EFCAB6: variants seen among roughly 807,000 people sequenced by gnomAD.
EFCAB6 encodes EF-hand calcium binding domain 6, also known as EF-hand calcium-binding domain-containing protein 6.
In EFCAB6, 156 loss-of-function variants were observed where a neutral mutation model predicts 169.8. The observed-to-expected ratio is 0.92, with a 90% confidence interval of 0.81 to 1.05. The LOEUF is 1.05. Among genes scored for constraint, EFCAB6 ranks in the 50% least tolerant of loss-of-function variants. The probability of loss-of-function intolerance (pLI) is 0.00; values close to 1 mark genes in which losing one functional copy is unlikely to be tolerated. For synonymous variants in EFCAB6, 698 were observed against 676.4 expected (o/e 1.03, Z -0.50); for missense variants, 1,800 against 1,829.1 (o/e 0.98, Z 0.29).
intron 5 of EFCAB6, among the ~76,000 whole-genome samples, chr22:43,756,286 G>A (rs932979390): frequency 3.9e-5 from 6 of 152,242 alleles, no homozygotes; most frequent in South Asian, 4.2e-4. Flanking sequence ...AGGTGCTCTG[G>A]GTTCAGATCC....
At chr22:43,529,074 C>T (rs529900360) in intron 31 of EFCAB6, 99 bp from the exon 32 acceptor site, 33 of 1,329,618 alleles carry the variant, frequency 2.5e-5, no homozygotes, top group Admixed American at 2.4e-4. Context: ...CCACCTGATC[C>T]CCAACCCCAC....
chr22:43,622,594 A>C lies in EFCAB6; in HGVS notation c.2465+3853T>G, dbSNP rs2054187264. On this transcript the variant is annotated intron_variant, in intron 20 of 31. Coordinates refer to ENST00000262726, the MANE Select transcript of EFCAB6 (RefSeq NM_022785.4). ...AACAAACAAGCAAACAAAAACAAAC[A>C]AACTCATTCTATTTTGCAATTATTA... is the stretch of plus-strand genomic sequence containing the variant. Among the ~76,000 whole-genome samples, 4 of 152,124 alleles carry C rather than the reference A, an allele frequency of 2.6e-5. 1 individual carries two copies. The highest frequency in any genetic ancestry group is 1.5e-5 in the Non-Finnish European group (1 of 68,022).
chr22:43,529,243 G>A (rs1258157508), intron 31 of EFCAB6, among the ~76,000 whole-genome samples: 2 of 152,246 alleles, frequency 1.3e-5, no homozygotes, highest in African/African-American at 4.8e-5. Context: ...GCTGAAGGCT[G>A]GTCAACGTAT....
At chr22:43,798,647 C>T (rs564980647) in intron 2 of EFCAB6, among the ~76,000 whole-genome samples, 1 of 152,336 alleles carries the variant, frequency 6.6e-6, no homozygotes, top group Admixed American at 6.5e-5. Context: ...GCCAAGGCAA[C>T]TGACATCATC....
Position 43,672,035 on chromosome 22 carries a change from T to C in EFCAB6, c.1578A>G (p.Arg526=). 1 of 1,614,200 alleles carries C rather than the reference T, an allele frequency of 6.2e-7. No homozygotes were observed. The highest frequency in any genetic ancestry group is 8.5e-7 in the Non-Finnish European group (1 of 1,180,014). ...CGTGCATGATTTTCTTGAAATTATTTCGGCCAATGCGCCCTGTGTCTCCAA... is the reference window on the plus strand; with the variant it reads ...CGTGCATGATTTTCTTGAAATTATTCCGGCCAATGCGCCCTGTGTCTCCAA... ...YDLGDTGRIG[R]NNFKKIMHVF... is the part of the protein sequence containing the mutation. The change falls in exon 15 of 32, where the codon CGA becomes CGG. Residue 526 remains arginine, a synonymous_variant. Transcript: ENST00000262726.
At chr22:43,633,764 G>T (rs112683188) in intron 18 of EFCAB6, among the ~76,000 whole-genome samples, 2 of 152,138 alleles carry the variant, frequency 1.3e-5, no homozygotes, top group Admixed American at 6.5e-5. Context: ...CCCCAAGCTC[G>T]TGGGCATCCT....
chr22:43,599,509 C>CAAAAAAAAAAAAAAAAAAA (rs58130994), intron 23 of EFCAB6, among the ~76,000 whole-genome samples: 1 of 44,226 alleles, frequency 2.3e-5, no homozygotes, highest in African/African-American at 9.0e-5. Flanking sequence ...GATTCCATCT[C>CAAAAAAAAAAAAAAAAAAA]AAAAAAAAAA....
At chr22:43,533,896 G>A (rs1163889672) in intron 30 of EFCAB6, among the ~76,000 whole-genome samples, 1 of 152,150 alleles carries the variant, frequency 6.6e-6, no homozygotes, top group Non-Finnish European at 1.5e-5. Context: ...CTGGGCTCTG[G>A]CCTCCTGGAG....
chr22:43,664,207 A>G (rs912544608), intron 17 of EFCAB6, among the ~76,000 whole-genome samples: 2 of 152,188 alleles, frequency 1.3e-5, no homozygotes, highest in Non-Finnish European at 2.9e-5. Flanking sequence ...TGGCCCAGAC[A>G]GGTGTAGGAA....
At chr22:43,718,854 G>A (rs576522124) in intron 8 of EFCAB6, among the ~76,000 whole-genome samples, 1 of 152,304 alleles carries the variant, frequency 6.6e-6, no homozygotes, top group African/African-American at 2.4e-5. Context: ...AGTGGGCTGA[G>A]CATTTGAAAC....
chr22:43,533,428 G>T (rs1158017385), intron 30 of EFCAB6: 1 of 152,240 alleles, frequency 6.6e-6, no homozygotes, highest in Non-Finnish European at 1.5e-5. Flanking sequence ...AGACGCCTGG[G>T]AAGAGCCACC....
rs2061185156 is a variant in EFCAB6, at chr22:43,762,201, T to A, written c.440+3104A>T. 2.0e-5 allele frequency among the ~76,000 whole-genome samples: 3 copies of A among 152,324 alleles called. No homozygotes were observed. In the South Asian group the frequency reaches 6.2e-4, roughly 32 times the overall value. ...TATTCACTCAGCACCAGTGTTGAAA[T>A]AGGTGGTTTTCCTCAGTGTACCCTT... On this transcript the variant is annotated intron_variant, in intron 5 of 31. Coordinates refer to ENST00000262726, the MANE Select transcript of EFCAB6 (RefSeq NM_022785.4).
At chr22:43,553,399 G>A (rs2048499772) in intron 27 of EFCAB6, 1 of 152,312 alleles carries the variant, frequency 6.6e-6, no homozygotes, top group Non-Finnish European at 1.5e-5. Flanking sequence ...GAGAGGGCTT[G>A]TAGCTGTGCA....
intron 20 of EFCAB6, among the ~76,000 whole-genome samples, chr22:43,624,512 T>TC (rs1402016921): frequency 6.6e-6 from 1 of 152,148 alleles, no homozygotes; most frequent in Non-Finnish European, 1.5e-5. Flanking sequence ...CCAAACGTGC[T>TC]TAACACTCCC....
At chr22:43,550,451 C>T (rs571761051) in intron 27 of EFCAB6, among the ~76,000 whole-genome samples, 5 of 152,276 alleles carry the variant, frequency 3.3e-5, no homozygotes, top group African/African-American at 1.2e-4. Context: ...GCGGGTGGAT[C>T]ACCTGAGATC....
At chr22:43,541,461 C>A (rs2047718957) in intron 27 of EFCAB6, among the ~76,000 whole-genome samples, 1 of 152,210 alleles carries the variant, frequency 6.6e-6, no homozygotes, top group Admixed American at 6.5e-5. Flanking sequence ...ACCCTTCCTG[C>A]AGTTTCTCCC....
At chr22:43,557,475 G>A (rs2048775185) in intron 26 of EFCAB6, among the ~76,000 whole-genome samples, 1 of 152,142 alleles carries the variant, frequency 6.6e-6, no homozygotes, top group South Asian at 2.1e-4. Flanking sequence ...AGTATTTAAA[G>A]TATTAGAAAG....
chr22:43,559,433 C>T (rs2048898155), intron 26 of EFCAB6, among the ~76,000 whole-genome samples: 1 of 152,156 alleles, frequency 6.6e-6, no homozygotes, highest in Non-Finnish European at 1.5e-5. Context: ...ATTAGTTCAA[C>T]CACTGTGGAA....
At chr22:43,561,983 G>T (rs920762736) in intron 26 of EFCAB6, among the ~76,000 whole-genome samples, 3 of 152,120 alleles carry the variant, frequency 2.0e-5, no homozygotes, top group Non-Finnish European at 2.9e-5. Context: ...GTCCGTGCTG[G>T]GCCCGAACAC....
Sources: allele counts gnomAD v4.1 joint callset (sites outside exome capture counted in the v4.1 genomes callset), GRCh38; gene constraint gnomAD v4.1.1; transcripts MANE v1.5; gene names NCBI Gene and HGNC (gene_info 2026-07-23, HGNC 2026-07-21).